The following PPP1R21 variants were observed in gnomAD, a reference collection of about 807,000 sequenced individuals.
The protein encoded by PPP1R21 is protein phosphatase 1 regulatory subunit 21.
A neutral mutation model predicts 112.8 loss-of-function variants in PPP1R21; 85 were observed. The ratio of observed to expected loss-of-function variants is 0.75; its 90% CI spans 0.63 to 0.90. PPP1R21 has a LOEUF of 0.90. Ranked by LOEUF, PPP1R21 falls within the 40% of genes least tolerant of loss-of-function variation. The pLI is 0.00. For synonymous variants in PPP1R21, 381 were observed against 322.3 expected (o/e 1.18, Z -1.95); for missense variants, 1,199 against 901.5 (o/e 1.33, Z -4.23).
chr2:48,459,391 C>G (rs1416265456), intron 4 of PPP1R21, among the ~76,000 whole-genome samples: 2 of 152,162 alleles, frequency 1.3e-5, no homozygotes, highest in African/African-American at 4.8e-5. Flanking sequence ...ATACTCTGAT[C>G]AATTGAATTC....
chr2:48,453,336 T>G (rs1667565829), intron 2 of PPP1R21, among the ~76,000 whole-genome samples: 2 of 152,218 alleles, frequency 1.3e-5, no homozygotes, highest in African/African-American at 4.8e-5. Flanking sequence ...GTGAAATTAG[T>G]AAACATACAG....
chr2:48,498,619 A>G lies in PPP1R21; in HGVS notation c.1819A>G (p.Thr607Ala), dbSNP rs1558511158. The G allele has an allele frequency of 1.2e-6, 2 of 1,614,240 alleles. No homozygotes were observed. Among genetic ancestry groups the G allele is most frequent in the Non-Finnish European group, 1.7e-6 (2 of 1,180,038 alleles). Residue 607 changes from threonine (T) to alanine (A), a missense_variant, in exon 17 of 22, where the codon ACA becomes GCA. By Grantham distance (58) the Thr-to-Ala change is moderately conservative. Transcript: ENST00000294952. ...NQRIADKLKN[T>A]GSAQLVGLAQ... is the part of the protein sequence containing the mutation. ...GCGAATTGCAGATAAGCTGAAGAATACAGGTAGTGCCCAGCTGGTTGGGCT... is the reference window on the plus strand; with the variant it reads ...GCGAATTGCAGATAAGCTGAAGAATGCAGGTAGTGCCCAGCTGGTTGGGCT...
intron 3 of PPP1R21, 91 bp downstream of exon 3, chr2:48,454,832 C>G (rs1032216476): frequency 5.1e-6 from 5 of 971,568 alleles, no homozygotes; most frequent in African/African-American, 4.9e-5. Context: ...ACCCCACTGC[C>G]GAATTATTTT....
intron 6 of PPP1R21, 44 bp from the exon 7 acceptor site, chr2:48,461,094 G>C (rs1667956077): frequency 1.3e-6 from 2 of 1,547,630 alleles, no homozygotes; most frequent in Non-Finnish European, 8.6e-7. Context: ...GATTCACTCA[G>C]TGATTGGTGA....
intron 7 of PPP1R21, among the ~76,000 whole-genome samples, chr2:48,463,046 C>G (rs1668044303): frequency 6.6e-6 from 1 of 152,152 alleles, no homozygotes; most frequent in South Asian, 2.1e-4. Context: ...ACGAGGTTAA[C>G]TTTGTTGTTG....
At chr2:48,489,897 A>G (rs1055138192) in intron 14 of PPP1R21, among the ~76,000 whole-genome samples, 8 of 152,074 alleles carry the variant, frequency 5.3e-5, no homozygotes, top group Non-Finnish European at 1.2e-4. Flanking sequence ...TACAAAAATT[A>G]GCTGGGACGT....
At chr2:48,465,198 G>C (rs1668146882) in intron 8 of PPP1R21, among the ~76,000 whole-genome samples, 1 of 152,178 alleles carries the variant, frequency 6.6e-6, no homozygotes, top group Non-Finnish European at 1.5e-5. Flanking sequence ...TCCCTTGTCT[G>C]ATAACATTAG....
chr2:48,453,942 A>G (rs1469554476), intron 2 of PPP1R21, among the ~76,000 whole-genome samples: 1 of 152,134 alleles, frequency 6.6e-6, no homozygotes, highest in Non-Finnish European at 1.5e-5. Flanking sequence ...GGGAATCATC[A>G]GTAAATCTGA....
rs35301844 is a variant in PPP1R21 at position 48,480,014 on chromosome 2, A to G, written c.1316A>G (p.Lys439Arg). Reference sequence around the variant, plus strand: ...CTGCATGGATTTCATGACGTTATGAAAGGTAGGCCTTGAAAAAGAACGTAA... The same window carrying G: ...CTGCATGGATTTCATGACGTTATGAGAGGTAGGCCTTGAAAAAGAACGTAA... ...AALHGFHDVM[K>R]DISKHYSQKA... is the part of the protein sequence containing the mutation. The change falls in exon 13 of 22, where the codon AAA becomes AGA. Residue 439 changes from lysine to arginine, a missense_variant and splice_region_variant. Transcript: ENST00000294952. The G allele has an allele frequency of 1.2e-3, 1,968 of 1,600,748 alleles. 26 individuals are homozygous for G. The African/African-American group carries it at 0.021, about 17-fold the overall frequency.
intron 17 of PPP1R21, among the ~76,000 whole-genome samples, chr2:48,501,640 T>C (rs913615352): frequency 6.6e-6 from 1 of 152,158 alleles, no homozygotes; most frequent in Non-Finnish European, 1.5e-5. Context: ...GAAAACAGAA[T>C]AGCCGACATA....
chr2:48,458,342 A>G (rs182459384), intron 4 of PPP1R21, 115 bp downstream of exon 4: 29 of 613,562 alleles, frequency 4.7e-5, no homozygotes, highest in Admixed American at 7.5e-5. Context: ...AATGTCTTCT[A>G]TGGTCTTCAA....
intron 19 of PPP1R21, among the ~76,000 whole-genome samples, chr2:48,509,427 C>T (rs892837805): frequency 1.3e-5 from 2 of 151,640 alleles, no homozygotes. Flanking sequence ...ATGTAAAGAA[C>T]GGGTGCTGTG....
chr2:48,508,950 C>A (rs940064547), intron 19 of PPP1R21, among the ~76,000 whole-genome samples: 1 of 152,112 alleles, frequency 6.6e-6, no homozygotes, highest in African/African-American at 2.4e-5. Context: ...GGTGACCTCC[C>A]CCCTCCCACA....
At chr2:48,495,880 A>G (rs1558506300) in intron 16 of PPP1R21, 109 bp downstream of exon 16, 3 of 673,074 alleles carry the variant, frequency 4.5e-6, no homozygotes, top group Non-Finnish European at 8.0e-6. Context: ...ATAAATAAAC[A>G]TGTGAAATGA....
At chr2:48,505,645 A>G (rs1387220270) in intron 18 of PPP1R21, 49 bp downstream of exon 18, 4 of 1,448,140 alleles carry the variant, frequency 2.8e-6, no homozygotes, top group African/African-American at 2.8e-5. Context: ...ATCTGGCAGC[A>G]TGTTTGTTGA....
intron 2 of PPP1R21, among the ~76,000 whole-genome samples, chr2:48,452,900 C>G (rs1443380534): frequency 6.6e-6 from 1 of 151,274 alleles, no homozygotes; most frequent in African/African-American, 2.4e-5. Context: ...TCTCAACATG[C>G]AGGTAATGTC....
At chr2:48,498,276 G>GTTT (rs200883214) in intron 16 of PPP1R21, among the ~76,000 whole-genome samples, 1 of 148,198 alleles carries the variant, frequency 6.7e-6, no homozygotes, top group East Asian at 2.0e-4. Flanking sequence ...AATGAGTAGA[G>GTTT]TTTTTTTTTT....
intron 17 of PPP1R21, among the ~76,000 whole-genome samples, chr2:48,499,664 A>G (rs749218649): frequency 1.3e-5 from 2 of 152,268 alleles, no homozygotes; most frequent in Non-Finnish European, 2.9e-5. Flanking sequence ...GTAAAGCTTT[A>G]TAATATACAC....
chr2:48,488,580 C>A (rs1211130252), intron 14 of PPP1R21, among the ~76,000 whole-genome samples: 2 of 152,036 alleles, frequency 1.3e-5, no homozygotes, highest in Non-Finnish European at 2.9e-5. Context: ...CCATGTTAGT[C>A]AGGATGGTCT....
Sources: gnomAD v4.1 joint callset for allele counts (sites outside exome capture counted in the v4.1 genomes callset) on GRCh38, gnomAD v4.1.1 for gene constraint, MANE v1.5 for transcripts, NCBI Gene and HGNC (gene_info 2026-07-23, HGNC 2026-07-21) for gene names.